Variants in VPS41 observed in about 807,000 individuals in gnomAD.
VPS41 encodes the protein vacuolar protein sorting-associated protein 41 homolog.
Under a neutral mutation model 130.9 loss-of-function variants are expected in VPS41, and 85 were observed. The ratio of observed to expected loss-of-function variants is 0.65; its 90% confidence interval spans 0.55 to 0.78. The LOEUF is 0.78. VPS41 is among the 30% of genes least tolerant of loss of function. The probability of loss-of-function intolerance (pLI) is 0.00; values close to 1 mark genes in which losing one functional copy is unlikely to be tolerated. For synonymous variants in VPS41, 335 were observed against 332.9 expected, an observed-to-expected ratio of 1.01 and a Z score of -0.07; for missense variants, 874 against 1,018.7, an observed-to-expected ratio of 0.86 and a Z score of 1.93.
chr7:38,870,738 TCAAAAAAAA>T (rs368657579), intron 2 of VPS41, among the ~76,000 whole-genome samples: 29,731 of 68,226 alleles, frequency 0.44, 4,213 homozygotes, highest in Non-Finnish European at 0.48. Flanking sequence ...GACTATATGT[TCAAAAAAAA>T]AAAAAAAAAA....
At chr7:38,850,550 T>C (rs755962636) in intron 4 of VPS41, among the ~76,000 whole-genome samples, 10 of 152,302 alleles carry the variant, frequency 6.6e-5, no homozygotes, top group African/African-American at 2.2e-4. Flanking sequence ...ATTTAAAATA[T>C]TGAGTGTGAA....
Position 38,865,774 on chromosome 7 carries a change from CA to C in VPS41, c.169-3153del, listed in dbSNP as rs778079257. On this transcript the variant is annotated intron_variant, in intron 3 of 28. Coordinates refer to ENST00000310301, the MANE Select transcript of VPS41 (RefSeq NM_014396.4). The stretch of plus-strand genomic sequence containing the variant: ...ATGGATGACACATCTAATTCATGCC[CA>C]GGGGAAGAGACAGGTGATAAGGTTG... Among the ~76,000 whole-genome samples, 20 of 152,150 alleles carry C rather than the reference CA, an allele frequency of 1.3e-4. 1 individual carries two copies. Among genetic ancestry groups the C allele is most frequent in the South Asian group, 8.3e-4 (4 of 4,810 alleles).
intron 9 of VPS41, among the ~76,000 whole-genome samples, chr7:38,792,734 C>T (rs73113680): frequency 0.1 from 15,622 of 152,178 alleles, 1,191 homozygotes; most frequent in African/African-American, 0.21. Context: ...AAGCCCTGTG[C>T]TGGCTTCCTA....
chr7:38,814,943 AC>A (rs1380931032), intron 7 of VPS41, among the ~76,000 whole-genome samples: 2 of 152,176 alleles, frequency 1.3e-5, no homozygotes, highest in Non-Finnish European at 2.9e-5. Flanking sequence ...TTAGAACCTG[AC>A]CTTCCAGCCC....
In VPS41 at chr7:38,754,785, C is replaced by T. The variant is rs755500329; in HGVS notation, c.1738-33G>A. The T allele has an allele frequency of 1.9e-6, 3 of 1,602,356 alleles. No homozygotes were observed. The Admixed American group carries it at 5.0e-5, about 27-fold the overall frequency. On this transcript the variant is annotated intron_variant, in intron 20 of 28. Coordinates refer to ENST00000310301, the MANE Select transcript of VPS41 (RefSeq NM_014396.4). ...AAAAAGAAAAGTTTCAAGGTGGAGT[C>T]ATGAGGACAGAAAGACAGCTACAAA...
At chr7:38,854,670 T>C (rs1785939562) in intron 4 of VPS41, among the ~76,000 whole-genome samples, 1 of 152,160 alleles carries the variant, frequency 6.6e-6, no homozygotes, top group Non-Finnish European at 1.5e-5. Flanking sequence ...TTTGGAACTA[T>C]GGATTAGTTC....
intron 17 of VPS41, among the ~76,000 whole-genome samples, chr7:38,760,970 A>G (rs899391489): frequency 6.6e-6 from 1 of 152,184 alleles, no homozygotes; most frequent in African/African-American, 2.4e-5. Flanking sequence ...AGCCCCTGGA[A>G]GGATGGCAAG....
intron 4 of VPS41, chr7:38,831,416 T>C (rs1455115144): frequency 2.9e-6 from 1 of 343,698 alleles, no homozygotes; most frequent in Non-Finnish European, 5.7e-6. Flanking sequence ...ATGTGACTAG[T>C]ACTGGAAAGC....
intron 22 of VPS41, chr7:38,745,892 C>A (rs1048723816): frequency 8.6e-6 from 3 of 347,174 alleles, no homozygotes; most frequent in African/African-American, 4.4e-5. Flanking sequence ...AAAGAAAGGG[C>A]CTTTCCCACT....
chr7:38,875,784 T>G (rs1185043578), intron 2 of VPS41, among the ~76,000 whole-genome samples: 1 of 152,200 alleles, frequency 6.6e-6, no homozygotes. Flanking sequence ...TGCTGAGAGA[T>G]AGGCAATTAC....
chr7:38,813,310 G>A (rs1397563737), intron 7 of VPS41, among the ~76,000 whole-genome samples: 3 of 152,080 alleles, frequency 2.0e-5, no homozygotes, highest in Admixed American at 6.6e-5. Flanking sequence ...TCCAGAATAG[G>A]AAAACTTATA....
At chr7:38,790,218 A>G (rs1376706075) in intron 9 of VPS41, among the ~76,000 whole-genome samples, 3 of 152,146 alleles carry the variant, frequency 2.0e-5, no homozygotes, top group Non-Finnish European at 4.4e-5. Flanking sequence ...AACTGTAACT[A>G]TGGTATGGAA....
chr7:38,869,197 T>G lies in VPS41; in HGVS notation c.117A>C (p.Val39=), dbSNP rs759189439. The G allele has an allele frequency of 6.2e-6, 10 of 1,612,844 alleles. No individual in the cohort carries two copies. The highest frequency in any genetic ancestry group is 7.6e-6 in the Non-Finnish European group (9 of 1,179,136). Residue 39 remains valine (V), a synonymous_variant, in exon 3 of 29, where the codon GTA becomes GTC. Transcript: ENST00000310301. ...KLKYERLSNG[V]TEILQKDAAS... is the part of the protein sequence containing the mutation. ...CTGCATCCTTCTGAAGTATTTCAGTTACCCCATTGGAAAGCCTTTCATACT... is the reference window on the plus strand; with the variant it reads ...CTGCATCCTTCTGAAGTATTTCAGTGACCCCATTGGAAAGCCTTTCATACT...
intron 9 of VPS41, among the ~76,000 whole-genome samples, chr7:38,794,536 A>T (rs1784586554): frequency 6.6e-6 from 1 of 152,248 alleles, no homozygotes; most frequent in Non-Finnish European, 1.5e-5. Context: ...AAGCAATTAC[A>T]TCAGATTCTA....
In VPS41 at chr7:38,825,384, A is replaced by G. The variant is rs552858547; in HGVS notation, c.322-4119T>C. On this transcript the variant is annotated intron_variant, in intron 5 of 28. Coordinates refer to ENST00000310301, the MANE Select transcript of VPS41 (RefSeq NM_014396.4). ...TTCATTTCACTACTATGACATGCCAAACTAGCTGCTCACACGTTATACTAC... is the reference window on the plus strand; with the variant it reads ...TTCATTTCACTACTATGACATGCCAGACTAGCTGCTCACACGTTATACTAC... 5.3e-5 allele frequency among the ~76,000 whole-genome samples: 8 copies of G among 152,336 alleles called. No individual in the cohort carries two copies. In the East Asian group the frequency reaches 1.3e-3, roughly 26 times the overall value.
intron 5 of VPS41, among the ~76,000 whole-genome samples, chr7:38,828,130 T>C (rs866513471): frequency 6.6e-6 from 1 of 152,206 alleles, no homozygotes. Flanking sequence ...CCCAGAATTT[T>C]ATACTATAGT....
intron 25 of VPS41, among the ~76,000 whole-genome samples, chr7:38,733,206 A>T (rs1009289524): frequency 1.1e-4 from 17 of 152,210 alleles, no homozygotes; most frequent in African/African-American, 4.1e-4. Context: ...ATACATTTTG[A>T]CTACCAATGT....
At chr7:38,870,739 C>CAAA (rs70977434) in intron 2 of VPS41, among the ~76,000 whole-genome samples, 9 of 29,734 alleles carry the variant, frequency 3.0e-4, no homozygotes, top group Admixed American at 4.8e-4. Flanking sequence ...ACTATATGTT[C>CAAA]AAAAAAAAAA....
chr7:38,886,770 G>A (rs1786741419), intron 2 of VPS41, among the ~76,000 whole-genome samples: 1 of 152,106 alleles, frequency 6.6e-6, no homozygotes, highest in Non-Finnish European at 1.5e-5. Context: ...TTCCAGTAGG[G>A]GCCAACAGAC....
Sources: allele counts gnomAD v4.1 joint callset (sites outside exome capture counted in the v4.1 genomes callset), GRCh38; gene constraint gnomAD v4.1.1; transcripts MANE v1.5; gene names NCBI Gene and HGNC (gene_info 2026-07-23, HGNC 2026-07-21).